Variants in NDUFAF2 observed in about 807,000 individuals in gnomAD.
NDUFAF2 encodes the protein NADH:ubiquinone oxidoreductase complex assembly factor 2.
NDUFAF2 carries 13 observed loss-of-function variants against 22.8 expected under a neutral mutation model. The observed-to-expected ratio is 0.57, with a 90% CI of 0.37 to 0.91. NDUFAF2 has a LOEUF of 0.91. Among genes scored for constraint, NDUFAF2 ranks in the 40% least tolerant of loss-of-function variants. NDUFAF2 has a pLI of 0.01. For synonymous variants in NDUFAF2, 53 were observed against 64.2 expected, an observed-to-expected ratio of 0.83 and a Z score of 0.84; for missense variants, 162 against 195.2, an observed-to-expected ratio of 0.83 and a Z score of 1.01.
At chr5:61,043,362 T>G (rs527399238) in intron 1 of NDUFAF2, among the ~76,000 whole-genome samples, 1 of 152,248 alleles carries the variant, frequency 6.6e-6, no homozygotes, top group African/African-American at 2.4e-5. Context: ...TCTGAACCCA[T>G]AGAAAGTACA....
intron 3 of NDUFAF2, among the ~76,000 whole-genome samples, chr5:61,108,598 GTCTTAAAGTCTTCGATCCATT>G (rs1458939580): frequency 2.0e-5 from 3 of 148,342 alleles, no homozygotes; most frequent in African/African-American, 7.9e-5. Flanking sequence ...ATAGTTTGAG[GTCTTAAAGTCTTCGATCCATT>G]TTGGTTTGAT....
At chr5:61,067,549 C>T (rs1752246260) in intron 1 of NDUFAF2, among the ~76,000 whole-genome samples, 1 of 152,068 alleles carries the variant, frequency 6.6e-6, no homozygotes. Flanking sequence ...TTTCTTAATC[C>T]AGTCTATCAT....
intron 1 of NDUFAF2, among the ~76,000 whole-genome samples, chr5:61,036,559 G>C (rs1010449013): frequency 6.6e-6 from 1 of 152,144 alleles, no homozygotes; most frequent in African/African-American, 2.4e-5. Context: ...ATTCAAATTA[G>C]GTAATTTGAA....
At chr5:60,985,707 G>C (rs963934888) in intron 1 of NDUFAF2, among the ~76,000 whole-genome samples, 1 of 152,100 alleles carries the variant, frequency 6.6e-6, no homozygotes, top group Non-Finnish European at 1.5e-5. Context: ...GAGTGGTTTT[G>C]AATGAGTTTC....
At chr5:61,107,498 A>G (rs928928389) in intron 3 of NDUFAF2, among the ~76,000 whole-genome samples, 1 of 151,196 alleles carries the variant, frequency 6.6e-6, no homozygotes, top group Non-Finnish European at 1.5e-5. Context: ...CCCTTATCAT[A>G]TGGGTAGTTT....
At chr5:61,001,468 A>G (rs1186595385) in intron 1 of NDUFAF2, among the ~76,000 whole-genome samples, 2 of 152,110 alleles carry the variant, frequency 1.3e-5, no homozygotes, top group Non-Finnish European at 2.9e-5. Flanking sequence ...GCTCTCCATC[A>G]GTATTTTTCT....
chr5:60,964,530 A>C (rs1750729964), intron 1 of NDUFAF2, among the ~76,000 whole-genome samples: 1 of 151,172 alleles, frequency 6.6e-6, no homozygotes, highest in Admixed American at 6.6e-5. Context: ...GGCTCACCGC[A>C]ACCTCTGCGT....
Position 60,978,026 on chromosome 5 carries a change from G to A in NDUFAF2, c.127+32644G>A, listed in dbSNP as rs542738290. Among the ~76,000 whole-genome samples the A allele has an allele frequency of 3.0e-3, 461 of 152,158 alleles. 3 individuals are homozygous for A. The highest frequency in any genetic ancestry group is 0.014 in the South Asian group (69 of 4,816). On this transcript the variant is annotated intron_variant, in intron 1 of 3. Coordinates refer to ENST00000296597, the MANE Select transcript of NDUFAF2 (RefSeq NM_174889.5). ...GTACTGAAGAGAGTAGGAAAGACTCGTCCCCCATTCCCTGGTAGCAGCTGT... is the reference window on the plus strand; with the variant it reads ...GTACTGAAGAGAGTAGGAAAGACTCATCCCCCATTCCCTGGTAGCAGCTGT...
chr5:61,000,383 C>T (rs140200508), intron 1 of NDUFAF2, among the ~76,000 whole-genome samples: 15 of 152,184 alleles, frequency 9.9e-5, no homozygotes, highest in African/African-American at 3.6e-4. Flanking sequence ...TCTGTGTGTA[C>T]TGTTTGTTCA....
At position 61,040,282 on chromosome 5, in the gene NDUFAF2, ACACACGCG is replaced by A. The variant is rs1273135166; in HGVS notation, c.128-32841_128-32834del. Among the ~76,000 whole-genome samples, 657 of 84,070 alleles carry A rather than the reference ACACACGCG, an allele frequency of 7.8e-3. 7 individuals are homozygous for A. The highest frequency in any genetic ancestry group is 0.026 in the African/African-American group (555 of 21,536). The allele number at this position is 84,070 out of a possible 152,430, so 55.2% of individuals were successfully genotyped here. ...CACACACACACACACACACACACAC[ACACACGCG>A]CGCGCGCGCGCGAAAGTTGAAAGCA... On this transcript the variant is annotated intron_variant, in intron 1 of 3. Coordinates refer to ENST00000296597, the MANE Select transcript of NDUFAF2 (RefSeq NM_174889.5).
In NDUFAF2 at chr5:61,141,837, TCTTA is replaced by T. The variant is rs1346169697; in HGVS notation, c.259-10863_259-10860del. On this transcript the variant is annotated intron_variant, in intron 3 of 3. Coordinates refer to ENST00000296597, the MANE Select transcript of NDUFAF2 (RefSeq NM_174889.5). ...TAGCCTAAGTTGTAGCTTCTTTATG[TCTTA>T]CTTCTTCTCATCCAACTCTTCTTCC... Among the ~76,000 whole-genome samples the T allele has an allele frequency of 5.3e-5, 8 of 152,202 alleles. No individual in the cohort carries two copies. The East Asian group carries it at 1.5e-3, about 29-fold the overall frequency.
chr5:61,114,133 A>G lies in NDUFAF2; in HGVS notation c.258+15101A>G, dbSNP rs150117595. ...ATAAACTTTCTTCCCCTATCTTTCTACCTCCTATTTGAGACCAGCAACTCT... is the reference window on the plus strand; with the variant it reads ...ATAAACTTTCTTCCCCTATCTTTCTGCCTCCTATTTGAGACCAGCAACTCT... On this transcript the variant is annotated intron_variant, in intron 3 of 3. Transcript: ENST00000296597. Among the ~76,000 whole-genome samples, 999 of 151,562 alleles carry G rather than the reference A, an allele frequency of 6.6e-3. 11 individuals are homozygous for G. The highest frequency in any genetic ancestry group is 8.6e-3 in the Non-Finnish European group (583 of 67,868).
rs549354711 is a variant in NDUFAF2, at chr5:61,122,949, C to A, written c.258+23917C>A. Among the ~76,000 whole-genome samples the A allele has an allele frequency of 5.3e-5, 8 of 152,250 alleles. No individual in the cohort carries two copies. In the South Asian group the frequency reaches 1.7e-3, roughly 32 times the overall value. On this transcript the variant is annotated intron_variant, in intron 3 of 3. Transcript: ENST00000296597. ...CAACTTGGAAGTGTGAGAGGGTTAACATACCAGATAAACCTTGATACCTGG... is the reference window on the plus strand; with the variant it reads ...CAACTTGGAAGTGTGAGAGGGTTAAAATACCAGATAAACCTTGATACCTGG...
chr5:60,993,151 G>T (rs1172061316), intron 1 of NDUFAF2, among the ~76,000 whole-genome samples: 1 of 152,258 alleles, frequency 6.6e-6, no homozygotes, highest in Non-Finnish European at 1.5e-5. Flanking sequence ...TGCTGCAGCA[G>T]GGCGGGCAGC....
At chr5:61,008,850 A>G (rs1415916182) in intron 1 of NDUFAF2, among the ~76,000 whole-genome samples, 3 of 152,086 alleles carry the variant, frequency 2.0e-5, no homozygotes, top group Non-Finnish European at 2.9e-5. Flanking sequence ...AGGGCCTTGA[A>G]GGATGAGGTT....
intron 3 of NDUFAF2, among the ~76,000 whole-genome samples, chr5:61,103,330 T>C (rs1032068745): frequency 4.6e-5 from 7 of 152,124 alleles, no homozygotes; most frequent in African/African-American, 1.7e-4. Context: ...TCAACTGGCA[T>C]ACTCCTGCTT....
intron 1 of NDUFAF2, among the ~76,000 whole-genome samples, chr5:61,055,465 A>G (rs1253075286): frequency 6.6e-6 from 1 of 152,226 alleles, no homozygotes; most frequent in Non-Finnish European, 1.5e-5. Context: ...TGTGTATATG[A>G]GAAAAACACT....
Position 61,136,782 on chromosome 5 carries a change from C to T in NDUFAF2, c.259-15922C>T, listed in dbSNP as rs374067741. Among the ~76,000 whole-genome samples the T allele has an allele frequency of 8.5e-5, 13 of 152,138 alleles. No individual in the cohort carries two copies. The East Asian group carries it at 1.3e-3, about 16-fold the overall frequency. On this transcript the variant is annotated intron_variant, in intron 3 of 3. Coordinates refer to ENST00000296597, the MANE Select transcript of NDUFAF2 (RefSeq NM_174889.5). ...TTGCCAGCAGCCCTCTGAGAGACTG[C>T]GGAACACATCACAGAGTTGTTCCAT...
At chr5:61,142,828 G>C (rs1395943060) in intron 3 of NDUFAF2, among the ~76,000 whole-genome samples, 1 of 152,140 alleles carries the variant, frequency 6.6e-6, no homozygotes, top group Non-Finnish European at 1.5e-5. Context: ...TGATCTAGCA[G>C]GTGTTCTCTT....
Sources: allele counts gnomAD v4.1 joint callset (sites outside exome capture counted in the v4.1 genomes callset), GRCh38; gene constraint gnomAD v4.1.1; transcripts MANE v1.5; gene names NCBI Gene and HGNC (gene_info 2026-07-23, HGNC 2026-07-21).